The following OPCML variants were observed in gnomAD, a reference collection of about 807,000 sequenced individuals.
OPCML encodes opioid binding protein/cell adhesion molecule like.
Under a neutral mutation model 37.8 loss-of-function variants are expected in OPCML, and 13 were observed. The ratio of observed to expected loss-of-function variants is 0.34; its 90% CI spans 0.22 to 0.55. OPCML has a LOEUF of 0.55. Ranked by LOEUF, OPCML falls within the 20% of genes least tolerant of loss-of-function variation. The pLI, the probability that OPCML is intolerant of heterozygous loss-of-function variation, is 0.91. For missense variants in OPCML, 341 were observed against 435.6 expected (o/e 0.78, Z 1.93); for synonymous variants, 176 against 168.8 (o/e 1.04, Z -0.33).
intron 1 of OPCML, among the ~76,000 whole-genome samples, chr11:133,325,506 C>T (rs1943429514): frequency 6.6e-6 from 1 of 151,958 alleles, no homozygotes; most frequent in African/African-American, 2.4e-5. Flanking sequence ...GCAGAAACAA[C>T]CAAAAAACAG....
At chr11:132,980,695 A>C (rs1197473533) in intron 1 of OPCML, among the ~76,000 whole-genome samples, 1 of 152,182 alleles carries the variant, frequency 6.6e-6, no homozygotes, top group African/African-American at 2.4e-5. Context: ...TTTCCGGGCC[A>C]TCTCTGCTCA....
intron 2 of OPCML, among the ~76,000 whole-genome samples, chr11:132,686,297 G>C (rs1784525): frequency 0.088 from 13,398 of 152,160 alleles, 706 homozygotes; most frequent in Non-Finnish European, 0.11. Flanking sequence ...GCCTTGCCTC[G>C]GAAAATGGAG....
intron 2 of OPCML, among the ~76,000 whole-genome samples, chr11:132,896,346 C>A (rs1182282533): frequency 2.6e-5 from 4 of 152,166 alleles, no homozygotes; most frequent in Non-Finnish European, 5.9e-5. Flanking sequence ...TCTGTGATTG[C>A]TCTTCTCTGT....
In OPCML at chr11:132,656,959, G is replaced by C. The variant is rs1160378365; in HGVS notation, c.379+128C>G. On this transcript the variant is annotated intron_variant, in intron 3 of 7. Transcript: ENST00000524381. ...GATGGGAAACATTCCAAGACATATAGTCAAACTCTGAATTCAGTAGAGGAA... is the reference window on the plus strand; with the variant it reads ...GATGGGAAACATTCCAAGACATATACTCAAACTCTGAATTCAGTAGAGGAA... 5 of 1,461,422 alleles carry C rather than the reference G, an allele frequency of 3.4e-6. No homozygotes were observed. In the Admixed American group the frequency reaches 7.4e-5, roughly 22 times the overall value. 90.5% of individuals were successfully genotyped at this position (1,461,422 alleles called of 1,614,324 possible). A position where few individuals can be genotyped will look rare whatever the true frequency, so the allele number is the denominator to read the frequency against.
intron 1 of OPCML, among the ~76,000 whole-genome samples, chr11:133,245,923 C>T (rs1213194768): frequency 6.6e-6 from 1 of 151,946 alleles, no homozygotes; most frequent in African/African-American, 2.4e-5. Context: ...ACAATGAGAA[C>T]ACATGGACAC....
chr11:133,219,285 G>T (rs887284900), intron 1 of OPCML, among the ~76,000 whole-genome samples: 94 of 152,230 alleles, frequency 6.2e-4, no homozygotes, highest in African/African-American at 2.2e-3. Flanking sequence ...TCCACATTTT[G>T]GTAGCAACTT....
chr11:132,905,225 C>CTTTTTT (rs373679886), intron 2 of OPCML, among the ~76,000 whole-genome samples: 31 of 88,344 alleles, frequency 3.5e-4, no homozygotes, highest in Middle Eastern at 7.4e-3. Flanking sequence ...GAAAGCAGTT[C>CTTTTTT]TTTTTTTTTT....
At chr11:132,772,266 C>T (rs2136125815) in intron 2 of OPCML, 1 of 152,330 alleles carries the variant, frequency 6.6e-6, no homozygotes, top group East Asian at 1.9e-4. Flanking sequence ...TACCAAAGCT[C>T]TCATTTCTAA....
chr11:132,519,803 C>T (rs766547238), intron 4 of OPCML, among the ~76,000 whole-genome samples: 1 of 152,112 alleles, frequency 6.6e-6, no homozygotes, highest in Non-Finnish European at 1.5e-5. Context: ...TAATTAGGCT[C>T]TAAACATGAC....
intron 1 of OPCML, among the ~76,000 whole-genome samples, chr11:133,488,590 G>A (rs572800350): frequency 6.6e-6 from 1 of 152,108 alleles, no homozygotes; most frequent in Non-Finnish European, 1.5e-5. Flanking sequence ...ATAAATCATA[G>A]ATGACACTAA....
At chr11:132,591,070 G>C (rs910466642) in intron 3 of OPCML, among the ~76,000 whole-genome samples, 1 of 152,098 alleles carries the variant, frequency 6.6e-6, no homozygotes, top group Non-Finnish European at 1.5e-5. Flanking sequence ...CTTCTCTCCT[G>C]CTCAGATTTG....
At chr11:133,150,481 C>T (rs548125249) in intron 1 of OPCML, among the ~76,000 whole-genome samples, 2 of 152,338 alleles carry the variant, frequency 1.3e-5, no homozygotes, top group South Asian at 4.1e-4. Context: ...AAAATTAGAG[C>T]TGCAGGAATT....
intron 1 of OPCML, among the ~76,000 whole-genome samples, chr11:133,478,279 C>G (rs1947287922): frequency 6.6e-6 from 1 of 152,148 alleles, no homozygotes; most frequent in Admixed American, 6.5e-5. Context: ...CCAGACTAGT[C>G]CTTCTCCCCT....
intron 3 of OPCML, among the ~76,000 whole-genome samples, chr11:132,620,167 T>C (rs1565717758): frequency 1.3e-5 from 2 of 152,222 alleles, no homozygotes; most frequent in Non-Finnish European, 2.9e-5. Context: ...AGAGTAACTA[T>C]GACATTTCTA....
chr11:133,055,310 G>T (rs912537364), intron 1 of OPCML, among the ~76,000 whole-genome samples: 1 of 149,784 alleles, frequency 6.7e-6, no homozygotes, highest in Non-Finnish European at 1.5e-5. Context: ...CAGCCTCCAT[G>T]ATACTTCCAA....
chr11:133,204,085 A>AAAAAAAAAAAG (rs1938928326), intron 1 of OPCML, among the ~76,000 whole-genome samples: 1 of 140,454 alleles, frequency 7.1e-6, no homozygotes, highest in Non-Finnish European at 1.5e-5. Flanking sequence ...AAAAAAAAAA[A>AAAAAAAAAAAG]AAATGCAAAG....
chr11:132,448,532 C>G (rs2096061166), intron 4 of OPCML, among the ~76,000 whole-genome samples: 1 of 152,198 alleles, frequency 6.6e-6, no homozygotes, highest in African/African-American at 2.4e-5. Flanking sequence ...GGGGCGAAGT[C>G]TCCACTAGGG....
At position 132,717,282 on chromosome 11, in the gene OPCML, A is replaced by AT. The variant is rs980529378; in HGVS notation, c.147-59964dup. ...ATTAATGCTCAGAGATAATACCAGAATTTTTTTTTAATAATGGAAGAACAA... is the reference window on the plus strand; with the variant it reads ...ATTAATGCTCAGAGATAATACCAGAATTTTTTTTTTAATAATGGAAGAACAA... On this transcript the variant is annotated intron_variant, in intron 2 of 7. Coordinates refer to ENST00000524381, the MANE Select transcript of OPCML (RefSeq NM_001012393.5). Among the ~76,000 whole-genome samples, 6 of 151,792 alleles carry AT rather than the reference A, an allele frequency of 4.0e-5. No homozygotes were observed. The East Asian group carries it at 5.8e-4, about 15-fold the overall frequency.
chr11:132,441,605 G>T (rs938797347), intron 4 of OPCML, among the ~76,000 whole-genome samples: 4 of 152,154 alleles, frequency 2.6e-5, no homozygotes, highest in Non-Finnish European at 5.9e-5. Flanking sequence ...TTATGAACCT[G>T]CTCTAAGCAC....
Sources: allele counts gnomAD v4.1 joint callset (sites outside exome capture counted in the v4.1 genomes callset), GRCh38; gene constraint gnomAD v4.1.1; transcripts MANE v1.5; gene names NCBI Gene and HGNC (gene_info 2026-07-23, HGNC 2026-07-21).